The following HS6ST3 variants were observed in gnomAD, a reference collection of about 807,000 sequenced individuals.
HS6ST3 encodes heparan-sulfate 6-O-sulfotransferase 3.
In HS6ST3, 12 loss-of-function variants were observed where a neutral mutation model predicts 36.7. The observed-to-expected ratio is 0.33, with a 90% CI of 0.21 to 0.53. HS6ST3 has a LOEUF of 0.53. HS6ST3 is among the 20% of genes least tolerant of loss of function. The pLI, the probability that HS6ST3 is intolerant of heterozygous loss-of-function variation, is 0.95. For synonymous variants in HS6ST3, 240 were observed against 257.5 expected (o/e 0.93, Z 0.65); for missense variants, 584 against 640.9 (o/e 0.91, Z 0.96).
At chr13:96,455,920 G>A (rs1322045257) in intron 1 of HS6ST3, among the ~76,000 whole-genome samples, 3 of 152,160 alleles carry the variant, frequency 2.0e-5, no homozygotes, top group Admixed American at 1.3e-4. Flanking sequence ...AAAAATGACC[G>A]AATGTCTTTC....
At chr13:96,178,049 A>G (rs965623288) in intron 1 of HS6ST3, among the ~76,000 whole-genome samples, 1 of 152,138 alleles carries the variant, frequency 6.6e-6, no homozygotes, top group Non-Finnish European at 1.5e-5. Flanking sequence ...TTAGAGATGT[A>G]TAACTATATG....
chr13:96,152,190 TC>T (rs1281059500), intron 1 of HS6ST3, among the ~76,000 whole-genome samples: 2 of 152,100 alleles, frequency 1.3e-5, no homozygotes, highest in Non-Finnish European at 2.9e-5. Context: ...ATCCATGGAG[TC>T]CCACATTATT....
chr13:96,596,351 T>C (rs1231493695), intron 1 of HS6ST3, among the ~76,000 whole-genome samples: 1 of 152,216 alleles, frequency 6.6e-6, no homozygotes, highest in Non-Finnish European at 1.5e-5. Flanking sequence ...TTTTCATTAT[T>C]AACTCATCAG....
intron 1 of HS6ST3, among the ~76,000 whole-genome samples, chr13:96,561,889 A>G (rs2056263747): frequency 6.6e-6 from 1 of 152,148 alleles, no homozygotes; most frequent in Non-Finnish European, 1.5e-5. Flanking sequence ...AGATGCTTAC[A>G]AGGCTGTGGA....
chr13:96,581,222 ATT>A (rs11411556), intron 1 of HS6ST3, among the ~76,000 whole-genome samples: 6 of 142,722 alleles, frequency 4.2e-5, no homozygotes, highest in South Asian at 2.2e-4. Context: ...AACAACTACT[ATT>A]TTTTTTTTTT....
intron 1 of HS6ST3, among the ~76,000 whole-genome samples, chr13:96,419,480 T>G (rs780878829): frequency 6.6e-6 from 1 of 152,312 alleles, no homozygotes; most frequent in Non-Finnish European, 1.5e-5. Context: ...TGATGATAGA[T>G]AGATAAATGG....
chr13:96,762,339 G>T (rs998761382), intron 1 of HS6ST3, among the ~76,000 whole-genome samples: 2 of 152,134 alleles, frequency 1.3e-5, no homozygotes, highest in Admixed American at 6.5e-5. Flanking sequence ...AATTAGCTGG[G>T]CATGGTGGTG....
chr13:96,375,885 GTATAAATTTT>G (rs2055312366), intron 1 of HS6ST3, among the ~76,000 whole-genome samples: 1 of 152,186 alleles, frequency 6.6e-6, no homozygotes, highest in Non-Finnish European at 1.5e-5. Context: ...TTCTCTCTGT[GTATAAATTTT>G]TAAGGATATA....
In HS6ST3 at chr13:96,839,061, G is replaced by T. The variant is rs1879006542; in HGVS notation, c.*5863G>T. On this transcript the variant is annotated 3_prime_UTR_variant, in exon 2 of 2. Coordinates refer to ENST00000376705, the MANE Select transcript of HS6ST3 (RefSeq NM_153456.4). ...ACCTGTGTGAGCTACATGTTCTGCT[G>T]CATTATGGGAACTCATCAAAGGGCC... is the stretch of plus-strand genomic sequence containing the variant. The T allele has an allele frequency of 6.6e-6, 1 of 152,202 alleles. No homozygotes were observed. Among genetic ancestry groups the T allele is most frequent in the Admixed American group, 6.5e-5 (1 of 15,284 alleles). 9.4% of individuals were successfully genotyped at this position (152,202 alleles called of 1,614,324 possible).
At chr13:96,818,431 G>T (rs1878466781) in intron 1 of HS6ST3, among the ~76,000 whole-genome samples, 3 of 152,168 alleles carry the variant, frequency 2.0e-5, no homozygotes, top group Non-Finnish European at 4.4e-5. Flanking sequence ...GTTTTCCCTA[G>T]ATTAGTTTAT....
At chr13:96,114,642 G>A (rs538434132) in intron 1 of HS6ST3, among the ~76,000 whole-genome samples, 6 of 152,162 alleles carry the variant, frequency 3.9e-5, no homozygotes, top group Non-Finnish European at 7.3e-5. Context: ...GATTACATGA[G>A]CTAGTGTTTG....
At chr13:96,297,851 T>G (rs2054862655) in intron 1 of HS6ST3, among the ~76,000 whole-genome samples, 1 of 152,140 alleles carries the variant, frequency 6.6e-6, no homozygotes, top group Admixed American at 6.6e-5. Context: ...AACAATTTAC[T>G]GCTAATTCAG....
At chr13:96,239,676 CAA>C (rs1351193528) in intron 1 of HS6ST3, among the ~76,000 whole-genome samples, 1 of 152,124 alleles carries the variant, frequency 6.6e-6, no homozygotes, top group African/African-American at 2.4e-5. Flanking sequence ...TATTATCACA[CAA>C]AGAGTTTATA....
intron 1 of HS6ST3, among the ~76,000 whole-genome samples, chr13:96,577,868 TAAG>T (rs367792521): frequency 9.2e-5 from 14 of 152,190 alleles, no homozygotes; most frequent in Non-Finnish European, 1.5e-4. Context: ...TGTGGAGAAA[TAAG>T]AACGCTTTTA....
At chr13:96,147,389 A>G (rs1345368253) in intron 1 of HS6ST3, among the ~76,000 whole-genome samples, 1 of 152,236 alleles carries the variant, frequency 6.6e-6, no homozygotes, top group Non-Finnish European at 1.5e-5. Context: ...AGAAGTCGTA[A>G]TGAAACTGAA....
At chr13:96,549,259 T>G (rs926749120) in intron 1 of HS6ST3, among the ~76,000 whole-genome samples, 6 of 152,164 alleles carry the variant, frequency 3.9e-5, no homozygotes, top group African/African-American at 1.2e-4. Context: ...TGGATGTGTA[T>G]GCAGAATAAA....
chr13:96,401,110 T>C (rs1431517888), intron 1 of HS6ST3, among the ~76,000 whole-genome samples: 1 of 152,170 alleles, frequency 6.6e-6, no homozygotes, highest in Admixed American at 6.5e-5. Context: ...ATGTGGAGAC[T>C]GGGAGGGTGC....
chr13:96,603,597 C>T (rs145166108), intron 1 of HS6ST3, among the ~76,000 whole-genome samples: 39 of 152,180 alleles, frequency 2.6e-4, no homozygotes, highest in African/African-American at 9.2e-4. Context: ...ATTGCTGGGC[C>T]ATAGGGTATG....
intron 1 of HS6ST3, among the ~76,000 whole-genome samples, chr13:96,808,741 A>C (rs1459923048): frequency 6.6e-6 from 1 of 152,214 alleles, no homozygotes; most frequent in Admixed American, 6.5e-5. Flanking sequence ...TCAAAAAAGA[A>C]GTAGGTTCTG....
Sources: gnomAD v4.1 joint callset for allele counts (sites outside exome capture counted in the v4.1 genomes callset) on GRCh38, gnomAD v4.1.1 for gene constraint, MANE v1.5 for transcripts, NCBI Gene and HGNC (gene_info 2026-07-23, HGNC 2026-07-21) for gene names.